The following CAMTA1 variants were observed in gnomAD, a reference collection of about 807,000 sequenced individuals.
The protein encoded by CAMTA1 is calmodulin-binding transcription activator 1.
Under a neutral mutation model 170.9 loss-of-function variants are expected in CAMTA1, and 27 were observed. That is an observed-to-expected ratio of 0.16 (90% confidence interval 0.12 to 0.22). CAMTA1 has a LOEUF of 0.22. CAMTA1 is among the 10% of genes least tolerant of loss of function. The pLI, the probability that CAMTA1 is intolerant of heterozygous loss-of-function variation, is 1.00. For synonymous variants in CAMTA1, 833 were observed against 891.5 expected (o/e 0.93, Z 1.17); for missense variants, 1,619 against 2,217.2 (o/e 0.73, Z 5.42).
chr1:6,943,405 G>A (rs1051833184), intron 3 of CAMTA1, among the ~76,000 whole-genome samples: 11 of 152,226 alleles, frequency 7.2e-5, no homozygotes, highest in Admixed American at 3.9e-4. Context: ...AGAGAGCGGG[G>A]AAGTGCAACC....
chr1:7,533,627 C>T (rs957830442), intron 6 of CAMTA1, among the ~76,000 whole-genome samples: 7 of 152,022 alleles, frequency 4.6e-5, no homozygotes, highest in African/African-American at 1.2e-4. Context: ...CATTAGAAAA[C>T]GTCGGCCGGG....
chr1:7,625,252 A>G (rs2095625575), intron 6 of CAMTA1, among the ~76,000 whole-genome samples: 1 of 152,218 alleles, frequency 6.6e-6, no homozygotes, highest in Admixed American at 6.5e-5. Context: ...GAGCATGGGG[A>G]AGGCAGTGAG....
intron 6 of CAMTA1, among the ~76,000 whole-genome samples, chr1:7,508,180 G>A (rs1239812109): frequency 6.6e-6 from 1 of 152,198 alleles, no homozygotes; most frequent in African/African-American, 2.4e-5. Flanking sequence ...TTTGCCTGGG[G>A]CCCTGACTCT....
chr1:7,103,964 C>T (rs1643221817), intron 4 of CAMTA1, among the ~76,000 whole-genome samples: 1 of 150,690 alleles, frequency 6.6e-6, no homozygotes, highest in Admixed American at 6.6e-5. Context: ...CATACAACTA[C>T]ACACACGCAC....
In CAMTA1 at chr1:7,270,220, T is replaced by TAC. The variant is rs1178685314; in HGVS notation, c.438+20596_438+20597dup. On this transcript the variant is annotated intron_variant, in intron 5 of 22. Transcript: ENST00000303635. Reference sequence around the variant, plus strand: ...ATATATACACATATATATACATATATACATATATATACACATATATACATA... The same window carrying TAC: ...ATATATACACATATATATACATATATACACATATATATACACATATATACATA... 9.5e-3 allele frequency among the ~76,000 whole-genome samples: 1,039 copies of TAC among 108,984 alleles called. 10 individuals carry two copies. Among genetic ancestry groups the TAC allele is most frequent in the East Asian group, 0.028 (87 of 3,054 alleles). 71.5% of individuals were successfully genotyped at this position (108,984 alleles called of 152,430 possible). A position where few individuals can be genotyped will look rare whatever the true frequency, so the allele number is the denominator to read the frequency against.
At position 7,144,285 on chromosome 1, in the gene CAMTA1, G is replaced by A. The variant is rs2148637764; in HGVS notation, c.302+52914G>A. Among the ~76,000 whole-genome samples, 1 of 152,184 alleles carries A rather than the reference G, an allele frequency of 6.6e-6. No homozygotes were observed. Among genetic ancestry groups the A allele is most frequent in the Admixed American group, 6.6e-5 (1 of 15,260 alleles). The stretch of plus-strand genomic sequence containing the variant: ...TGTTTGTGTGTATGAGTGTGTGTTT[G>A]TGTGTATGAGTGTGTGAGAGACAGC... On this transcript the variant is annotated intron_variant, in intron 4 of 22. Coordinates refer to ENST00000303635, the MANE Select transcript of CAMTA1 (RefSeq NM_015215.4). This position sits in a 1 kb window ranked among gnomAD's most constrained non-coding sequence, Gnocchi z 4.0.
At chr1:7,242,810 A>AT (rs60740333) in intron 4 of CAMTA1, among the ~76,000 whole-genome samples, 198 of 147,494 alleles carry the variant, frequency 1.3e-3, no homozygotes, top group African/African-American at 4.7e-3. Flanking sequence ...AAATAAATAA[A>AT]AATTAGCCGG....
chr1:6,813,629 AT>A, intron 1 of CAMTA1, among the ~76,000 whole-genome samples: 1 of 151,886 alleles, frequency 6.6e-6, no homozygotes. Context: ...CTTTTTAAAA[AT>A]TTTTTTTAGA....
rs2148146602 is a variant in CAMTA1, at chr1:7,092,398, A to G, written c.302+1027A>G. 6.6e-6 allele frequency among the ~76,000 whole-genome samples: 1 copy of G among 152,296 alleles called. No individual in the cohort carries two copies. The highest frequency in any genetic ancestry group is 1.5e-5 in the Non-Finnish European group (1 of 68,014). ...GTTTATTCCTTCTAGAAGGTATTTT[A>G]AAATACCACATTATTAGGCTGAGAT... On this transcript the variant is annotated intron_variant, in intron 4 of 22. Transcript: ENST00000303635. The surrounding 1 kb of genome is among the most constrained non-coding windows in gnomAD (Gnocchi z 5.0).
In CAMTA1 at chr1:7,592,230, C is replaced by T. The variant is rs994915435; in HGVS notation, c.511-48170C>T. On this transcript the variant is annotated intron_variant, in intron 6 of 22. Transcript: ENST00000303635. The surrounding 1 kb of genome is among the most constrained non-coding windows in gnomAD (Gnocchi z 4.6). ...CACAGTTTAGATCTCAGCTCAGTGGCCCTCTTTGAAGGCCCCTTCCCCAAC... is the reference window on the plus strand; with the variant it reads ...CACAGTTTAGATCTCAGCTCAGTGGTCCTCTTTGAAGGCCCCTTCCCCAAC... 6.6e-6 allele frequency among the ~76,000 whole-genome samples: 1 copy of T among 152,156 alleles called. No individual in the cohort carries two copies. The highest frequency in any genetic ancestry group is 2.4e-5 in the African/African-American group (1 of 41,434).
At chr1:7,122,519 G>GT (rs1174199164) in intron 4 of CAMTA1, among the ~76,000 whole-genome samples, 6 of 152,164 alleles carry the variant, frequency 3.9e-5, no homozygotes. Context: ...GGGATGGCAT[G>GT]TAACAAGCAG....
chr1:7,581,742 A>G (rs2095262711), intron 6 of CAMTA1, among the ~76,000 whole-genome samples: 2 of 152,252 alleles, frequency 1.3e-5, no homozygotes, highest in Admixed American at 6.5e-5. Flanking sequence ...GGAGGCTGCT[A>G]GCATCCTCTT....
chr1:7,285,627 A>G (rs1672241573), intron 5 of CAMTA1, among the ~76,000 whole-genome samples: 2 of 152,220 alleles, frequency 1.3e-5, no homozygotes, highest in African/African-American at 4.8e-5. Flanking sequence ...GCTATTTTAA[A>G]GATGTTGGTA....
chr1:7,635,061 G>A lies in CAMTA1; in HGVS notation c.511-5339G>A, dbSNP rs924499517. On this transcript the variant is annotated intron_variant, in intron 6 of 22. Transcript: ENST00000303635. The surrounding 1 kb of genome is among the most constrained non-coding windows in gnomAD (Gnocchi z 4.4). ...CCACCACAGTCACAGACCATGCCACGGGGCTCTCTCTCCCCAGCCTTTGGC... is the reference window on the plus strand; with the variant it reads ...CCACCACAGTCACAGACCATGCCACAGGGCTCTCTCTCCCCAGCCTTTGGC... Among the ~76,000 whole-genome samples the A allele has an allele frequency of 6.6e-6, 1 of 152,100 alleles. No individual in the cohort carries two copies. Among genetic ancestry groups the A allele is most frequent in the Non-Finnish European group, 1.5e-5 (1 of 68,012 alleles).
At chr1:7,301,431 C>T (rs1674739403) in intron 5 of CAMTA1, among the ~76,000 whole-genome samples, 1 of 152,178 alleles carries the variant, frequency 6.6e-6, no homozygotes, top group Non-Finnish European at 1.5e-5. Context: ...TGTGGTGGAG[C>T]GTACAAAGGA....
chr1:7,045,840 TA>T (rs1705294540), intron 3 of CAMTA1, among the ~76,000 whole-genome samples: 1 of 152,230 alleles, frequency 6.6e-6, no homozygotes, highest in South Asian at 2.1e-4. Flanking sequence ...CTCTTTCCAT[TA>T]AAAAATGCAA....
intron 5 of CAMTA1, among the ~76,000 whole-genome samples, chr1:7,459,449 G>A (rs77761454): frequency 2.6e-4 from 39 of 152,278 alleles, no homozygotes; most frequent in African/African-American, 8.9e-4. Flanking sequence ...ACCTGCTGCT[G>A]GTTAGGGAGC....
chr1:7,311,704 A>G (rs1265502336), intron 5 of CAMTA1, among the ~76,000 whole-genome samples: 1 of 152,114 alleles, frequency 6.6e-6, no homozygotes, highest in Non-Finnish European at 1.5e-5. Context: ...GATCTAAAGG[A>G]GAATGTTGAC....
At chr1:7,639,263 G>A (rs1022466244) in intron 6 of CAMTA1, among the ~76,000 whole-genome samples, 1 of 152,230 alleles carries the variant, frequency 6.6e-6, no homozygotes, top group Non-Finnish European at 1.5e-5. Flanking sequence ...ACAGGCATAA[G>A]CCACCACGCC....
Sources: gnomAD v4.1 joint callset for allele counts (sites outside exome capture counted in the v4.1 genomes callset) on GRCh38, gnomAD v4.1.1 for gene constraint, Gnocchi (gnomAD v3.1) non-coding constraint, MANE v1.5 for transcripts, NCBI Gene and HGNC (gene_info 2026-07-23, HGNC 2026-07-21) for gene names.